ASIC2: variants seen among roughly 807,000 people sequenced by gnomAD.
ASIC2 encodes acid-sensing ion channel 2.
In ASIC2, 25 loss-of-function variants were observed where a neutral mutation model predicts 57.3. The ratio of observed to expected loss-of-function variants is 0.44; its 90% CI spans 0.32 to 0.61. The LOEUF is 0.61. Ranked by LOEUF, ASIC2 falls within the 20% of genes least tolerant of loss-of-function variation. ASIC2 has a pLI of 0.06. For synonymous variants in ASIC2, 319 were observed against 307.5 expected, an observed-to-expected ratio of 1.04 and a Z score of -0.39; for missense variants, 641 against 738.1, an observed-to-expected ratio of 0.87 and a Z score of 1.52.
chr17:33,932,569 C>T (rs4257250), intron 1 of ASIC2: 48,140 of 150,498 alleles, frequency 0.32, 7,974 homozygotes, highest in Middle Eastern at 0.37. Flanking sequence ...CAAAATTAGC[C>T]GAGCATGGTG....
chr17:33,127,954 C>T (rs2092330525), intron 1 of ASIC2, among the ~76,000 whole-genome samples: 1 of 152,244 alleles, frequency 6.6e-6, no homozygotes, highest in African/African-American at 2.4e-5. Context: ...TTCTCTCCTG[C>T]ACTACATGAG....
chr17:33,202,320 G>A (rs1906899977), intron 1 of ASIC2, among the ~76,000 whole-genome samples: 1 of 152,222 alleles, frequency 6.6e-6, no homozygotes, highest in Non-Finnish European at 1.5e-5. Context: ...ATGAGTTTGG[G>A]AGGGAGAAAA....
At chr17:33,204,503 C>T (rs777375514) in intron 1 of ASIC2, among the ~76,000 whole-genome samples, 1 of 152,166 alleles carries the variant, frequency 6.6e-6, no homozygotes, top group Non-Finnish European at 1.5e-5. Context: ...GGTAACTAGT[C>T]CCCAGTTTTC....
rs201083880 is a variant in ASIC2, at chr17:34,082,999, G to GT, written c.555+72978dup. 6.6e-3 allele frequency among the ~76,000 whole-genome samples: 984 copies of GT among 148,088 alleles called. 14 individuals carry two copies. Among genetic ancestry groups the GT allele is most frequent in the African/African-American group, 0.023 (916 of 39,630 alleles). The stretch of plus-strand genomic sequence containing the variant: ...TCACAGCATGCATTTATTTGTTCTT[G>GT]TTTTTTTTTCCTTTGCATGCTATTT... On this transcript the variant is annotated intron_variant, in intron 1 of 9. Transcript: ENST00000359872.
At chr17:33,159,027 G>A (rs1905089333) in intron 1 of ASIC2, among the ~76,000 whole-genome samples, 1 of 152,232 alleles carries the variant, frequency 6.6e-6, no homozygotes, top group Admixed American at 6.5e-5. Context: ...GAGAGTTTGA[G>A]TTAGTGACTG....
intron 1 of ASIC2, among the ~76,000 whole-genome samples, chr17:34,123,823 T>C (rs1290036775): frequency 6.6e-6 from 1 of 152,210 alleles, no homozygotes; most frequent in Non-Finnish European, 1.5e-5. Flanking sequence ...GGCTTACACC[T>C]GTAATCCCAG....
chr17:33,360,105 T>C (rs1480328039), intron 1 of ASIC2, among the ~76,000 whole-genome samples: 2 of 152,288 alleles, frequency 1.3e-5, no homozygotes, highest in South Asian at 4.1e-4. Context: ...TAGATAGCAT[T>C]AACTCAGATG....
intron 1 of ASIC2, among the ~76,000 whole-genome samples, chr17:33,728,770 G>C (rs1158221980): frequency 6.6e-6 from 1 of 152,180 alleles, no homozygotes; most frequent in African/African-American, 2.4e-5. Flanking sequence ...GAGTTGGGAA[G>C]GCAGAGGAAG....
chr17:33,367,121 C>A (rs960216628), intron 1 of ASIC2, among the ~76,000 whole-genome samples: 2 of 152,174 alleles, frequency 1.3e-5, no homozygotes, highest in Non-Finnish European at 2.9e-5. Context: ...TTTGCTGTTT[C>A]TTTGTGACTC....
intron 1 of ASIC2, among the ~76,000 whole-genome samples, chr17:33,258,116 G>A (rs1318533119): frequency 6.6e-6 from 1 of 152,164 alleles, no homozygotes; most frequent in Non-Finnish European, 1.5e-5. Context: ...AATCAGGTAG[G>A]TGTCATTCAC....
intron 1 of ASIC2, among the ~76,000 whole-genome samples, chr17:33,260,322 G>C (rs1909231711): frequency 6.6e-6 from 1 of 152,160 alleles, no homozygotes; most frequent in Non-Finnish European, 1.5e-5. Flanking sequence ...AGGGAGAGGG[G>C]TGCCAGAAAG....
At chr17:33,198,911 A>G (rs1246735229) in intron 1 of ASIC2, among the ~76,000 whole-genome samples, 2 of 152,332 alleles carry the variant, frequency 1.3e-5, no homozygotes, top group Non-Finnish European at 2.9e-5. Context: ...TCCTGCTTGG[A>G]GACCTGGCTC....
chr17:33,255,498 T>A (rs565547871), intron 1 of ASIC2, among the ~76,000 whole-genome samples: 1 of 151,540 alleles, frequency 6.6e-6, no homozygotes, highest in East Asian at 1.9e-4. Flanking sequence ...AACAGGTGAC[T>A]ATATGCTTAC....
intron 1 of ASIC2, among the ~76,000 whole-genome samples, chr17:33,409,318 T>A (rs1450099842): frequency 1.3e-5 from 2 of 152,244 alleles, no homozygotes; most frequent in African/African-American, 4.8e-5. Flanking sequence ...GAGAGGCATC[T>A]GCAGTGGGGC....
chr17:33,455,433 C>T (rs953188404), intron 1 of ASIC2, among the ~76,000 whole-genome samples: 1 of 152,186 alleles, frequency 6.6e-6, no homozygotes, highest in African/African-American at 2.4e-5. Flanking sequence ...TAAAGGAGAA[C>T]ATGCAATATT....
chr17:33,484,841 G>A (rs1597746596), intron 1 of ASIC2, among the ~76,000 whole-genome samples: 1 of 152,290 alleles, frequency 6.6e-6, no homozygotes, highest in African/African-American at 2.4e-5. Flanking sequence ...CAACACAAAA[G>A]CTATCACCCT....
intron 1 of ASIC2, among the ~76,000 whole-genome samples, chr17:33,236,669 A>T (rs1908307261): frequency 6.6e-6 from 1 of 152,092 alleles, no homozygotes; most frequent in Non-Finnish European, 1.5e-5. Context: ...AGATGTAATT[A>T]GTTGAGGATT....
At chr17:33,883,461 G>T (rs1343216206) in intron 1 of ASIC2, among the ~76,000 whole-genome samples, 2 of 152,110 alleles carry the variant, frequency 1.3e-5, no homozygotes, top group Non-Finnish European at 2.9e-5. Context: ...AAAGCAAATG[G>T]ATCTGTAGAC....
chr17:33,917,855 T>C (rs890820478), intron 1 of ASIC2, among the ~76,000 whole-genome samples: 3 of 139,098 alleles, frequency 2.2e-5, no homozygotes, highest in African/African-American at 5.5e-5. Context: ...TAAAGCCCGG[T>C]ACACACACAC....
Sources: allele counts gnomAD v4.1 joint callset (sites outside exome capture counted in the v4.1 genomes callset), GRCh38; gene constraint gnomAD v4.1.1; transcripts MANE v1.5; gene names NCBI Gene and HGNC (gene_info 2026-07-23, HGNC 2026-07-21).